The following BACE1 variants were observed in gnomAD, a reference collection of about 807,000 sequenced individuals.
BACE1 encodes the protein beta-secretase 1.
A neutral mutation model predicts 54.0 loss-of-function variants in BACE1; 21 were observed. The ratio of observed to expected loss-of-function variants is 0.39; its 90% confidence interval spans 0.28 to 0.56. BACE1 has a LOEUF of 0.56. Among genes scored for constraint, BACE1 ranks in the 20% least tolerant of loss-of-function variants. The pLI, the probability that BACE1 is intolerant of heterozygous loss-of-function variation, is 0.63. For synonymous variants in BACE1, 232 were observed against 260.9 expected (o/e 0.89, Z 1.07); for missense variants, 511 against 661.2 (o/e 0.77, Z 2.49).
In BACE1 at chr11:117,295,800, C is replaced by G. The variant is rs563095561; in HGVS notation, c.351-453G>C. 10 of 624,180 alleles carry G rather than the reference C, an allele frequency of 1.6e-5. No homozygotes were observed. The South Asian group carries it at 3.5e-4, about 22-fold the overall frequency. The allele number at this position is 624,180 out of a possible 1,614,324, so 38.7% of individuals were successfully genotyped here. A position where few individuals can be genotyped will look rare whatever the true frequency, so the allele number is the denominator to read the frequency against. On this transcript the variant is annotated intron_variant, in intron 2 of 8. Transcript: ENST00000313005. ...AGTGCCAGGCAGGGTGAATGTGGAA[C>G]CTCTACAGCAAGTTCTAGAGAAGGG...
intron 1 of BACE1, among the ~76,000 whole-genome samples, chr11:117,300,456 G>A (rs746806550): frequency 1.4e-5 from 2 of 138,476 alleles, no homozygotes; most frequent in South Asian, 2.1e-4. Flanking sequence ...CATTCCAAGC[G>A]GGGGGATGGG....
intron 1 of BACE1, among the ~76,000 whole-genome samples, chr11:117,313,198 T>C (rs477036): frequency 0.5 from 76,060 of 152,016 alleles, 19,494 homozygotes; most frequent in East Asian, 0.8. Flanking sequence ...GACTGGCTGA[T>C]GCAGGCTTAG....
chr11:117,293,385 TC>T lies in BACE1; in HGVS notation c.706-198del. On this transcript the variant is annotated intron_variant, in intron 4 of 8. Coordinates refer to ENST00000313005, the MANE Select transcript of BACE1 (RefSeq NM_012104.6). This position sits in a 1 kb window ranked among gnomAD's most constrained non-coding sequence, Gnocchi z 4.1. ...TAAATGTGTTCAGGAGAAAAGACTT[TC>T]CGGGATTTTTAATTATTTGTTTCAG... The T allele has an allele frequency of 2.1e-6, 1 of 474,118 alleles. No individual in the cohort carries two copies. The highest frequency in any genetic ancestry group is 3.6e-6 in the Non-Finnish European group (1 of 279,716). 29.4% of individuals were successfully genotyped at this position (474,118 alleles called of 1,614,324 possible).
At chr11:117,304,893 T>C (rs2034796533) in intron 1 of BACE1, among the ~76,000 whole-genome samples, 1 of 152,116 alleles carries the variant, frequency 6.6e-6, no homozygotes, top group African/African-American at 2.4e-5. Flanking sequence ...CGTAATGATT[T>C]TTTTTTTAAT....
chr11:117,313,424 CGTTTTT>C (rs777392684), intron 1 of BACE1, among the ~76,000 whole-genome samples: 1 of 152,018 alleles, frequency 6.6e-6, no homozygotes, highest in Non-Finnish European at 1.5e-5. Context: ...ATGGATACCC[CGTTTTT>C]GTTTTTGTTT....
At position 117,286,908 on chromosome 11, in the gene BACE1, ATTG is replaced by A. The variant is rs891098910; in HGVS notation, c.*2655_*2657del. The A allele has an allele frequency of 6.6e-6, 1 of 152,400 alleles. No individual in the cohort carries two copies. The allele number at this position is 152,400 out of a possible 1,614,324, so 9.4% of individuals were successfully genotyped here. On this transcript the variant is annotated 3_prime_UTR_variant, in exon 9 of 9. Coordinates refer to ENST00000313005, the MANE Select transcript of BACE1 (RefSeq NM_012104.6). ...GGTGGCAAAATGGAAGACCAGTTCTATTGTTCTTTTTGTTTAGGGGATTCGTTT... is the reference window on the plus strand; with the variant it reads ...GGTGGCAAAATGGAAGACCAGTTCTATTCTTTTTGTTTAGGGGATTCGTTT...
At chr11:117,290,864 T>C (rs932109755) in intron 7 of BACE1, 36 bp downstream of exon 7, 1 of 1,606,806 alleles carries the variant, frequency 6.2e-7, no homozygotes, top group East Asian at 2.2e-5. Context: ...GTGTGTACTT[T>C]TAAGAGAGAT....
intron 1 of BACE1, among the ~76,000 whole-genome samples, chr11:117,304,384 G>A (rs908854157): frequency 5.3e-5 from 8 of 152,302 alleles, no homozygotes; most frequent in South Asian, 4.1e-4. Context: ...GCCAACACAC[G>A]GAATCCTGAA....
intron 1 of BACE1, among the ~76,000 whole-genome samples, chr11:117,300,664 C>T (rs1213868780): frequency 1.3e-5 from 2 of 152,176 alleles, no homozygotes; most frequent in Non-Finnish European, 2.9e-5. Context: ...CAGCCAACCA[C>T]ACCAACCTGC....
At chr11:117,311,714 C>T (rs757037208) in intron 1 of BACE1, among the ~76,000 whole-genome samples, 2 of 152,226 alleles carry the variant, frequency 1.3e-5, no homozygotes, top group Non-Finnish European at 2.9e-5. Flanking sequence ...AATCTCAGCT[C>T]ACTGCAACCT....
chr11:117,295,495 C>T, intron 2 of BACE1, 148 bp from the exon 3 acceptor site: 2 of 1,536,706 alleles, frequency 1.3e-6, no homozygotes, highest in East Asian at 2.4e-5. Flanking sequence ...TCCCTAGACT[C>T]ACCACCCAGA....
chr11:117,308,794 A>G (rs530456071), intron 1 of BACE1, among the ~76,000 whole-genome samples: 22 of 151,922 alleles, frequency 1.4e-4, no homozygotes, highest in African/African-American at 5.1e-4. Context: ...TACTAAAAAT[A>G]CCAAAAAAAA....
chr11:117,315,951 G>T lies in BACE1; in HGVS notation c.-156C>A. ...CTGCAGGGCCCTGGGCCAGCCCCCG[G>T]GTCCGGGCTGTGGAGAGCGGTCAGG... On this transcript the variant is annotated 5_prime_UTR_variant, in exon 1 of 9. Coordinates refer to ENST00000313005, the MANE Select transcript of BACE1 (RefSeq NM_012104.6). This position sits in a 1 kb window ranked among gnomAD's most constrained non-coding sequence, Gnocchi z 5.5. 1.2e-6 allele frequency: 1 copy of T among 820,180 alleles called. No homozygotes were observed. Among genetic ancestry groups the T allele is most frequent in the Non-Finnish European group, 1.7e-6 (1 of 580,572 alleles). The allele number at this position is 820,180 out of a possible 1,614,324, so 50.8% of individuals were successfully genotyped here.
At chr11:117,297,598 C>T (rs910964159) in intron 1 of BACE1, among the ~76,000 whole-genome samples, 8 of 151,668 alleles carry the variant, frequency 5.3e-5, no homozygotes, top group South Asian at 2.1e-4. Context: ...CCAGCCTGGG[C>T]GACAGAGACC....
intron 2 of BACE1, among the ~76,000 whole-genome samples, chr11:117,296,561 A>G (rs1477096500): frequency 2.0e-5 from 3 of 152,158 alleles, no homozygotes; most frequent in Non-Finnish European, 4.4e-5. Flanking sequence ...ATTCAGGCAG[A>G]GAAAATGGGC....
chr11:117,291,682 C>T (rs779087846), intron 6 of BACE1, 30 bp downstream of exon 6: 5 of 1,507,184 alleles, frequency 3.3e-6, no homozygotes, highest in Non-Finnish European at 4.6e-6. Context: ...ACTGTACCAT[C>T]TCTTTTACCC....
intron 1 of BACE1, among the ~76,000 whole-genome samples, chr11:117,309,250 G>GT (rs1179957330): frequency 2.0e-5 from 3 of 152,154 alleles, no homozygotes; most frequent in Admixed American, 6.5e-5. Context: ...CACTGAAGCT[G>GT]TTTTCCTGGA....
At position 117,300,129 on chromosome 11, in the gene BACE1, C is replaced by G. The variant is rs531552386; in HGVS notation, c.262-3168G>C. Among the ~76,000 whole-genome samples the G allele has an allele frequency of 4.6e-5, 7 of 152,150 alleles. No individual in the cohort carries two copies. In the South Asian group the frequency reaches 1.5e-3, roughly 32 times the overall value. ...CTGGGCGCTCTTGCTGTCCTTCCAGCCCCAGCCTTTCCCCCTGCCACCCCA... is the reference window on the plus strand; with the variant it reads ...CTGGGCGCTCTTGCTGTCCTTCCAGGCCCAGCCTTTCCCCCTGCCACCCCA... On this transcript the variant is annotated intron_variant, in intron 1 of 8. Transcript: ENST00000313005.
In BACE1 at chr11:117,315,142, G is replaced by A. The variant is rs1367832078; in HGVS notation, c.261+393C>T. Among the ~76,000 whole-genome samples the A allele has an allele frequency of 6.6e-6, 1 of 152,198 alleles. No homozygotes were observed. Among genetic ancestry groups the A allele is most frequent in the Non-Finnish European group, 1.5e-5 (1 of 68,028 alleles). ...GGGAATCAGAGGAGGGGACAAGGTT[G>A]GGTGGCCAACCTCTAGAGTGGTGGG... is the stretch of plus-strand genomic sequence containing the variant. On this transcript the variant is annotated intron_variant, in intron 1 of 8. Transcript: ENST00000313005. The surrounding 1 kb of genome is among the most constrained non-coding windows in gnomAD (Gnocchi z 5.5).
Sources: gnomAD v4.1 joint callset for allele counts (sites outside exome capture counted in the v4.1 genomes callset) on GRCh38, gnomAD v4.1.1 for gene constraint, Gnocchi (gnomAD v3.1) non-coding constraint, MANE v1.5 for transcripts, NCBI Gene and HGNC (gene_info 2026-07-23, HGNC 2026-07-21) for gene names.